The following LRGUK variants were observed in gnomAD, a reference collection of about 807,000 sequenced individuals.
LRGUK encodes leucine-rich repeat and guanylate kinase domain-containing protein.
A neutral mutation model predicts 76.0 loss-of-function variants in LRGUK; 65 were observed. The ratio of observed to expected loss-of-function variants is 0.85; its 90% CI spans 0.70 to 1.05. LRGUK has a LOEUF of 1.05. Ranked by LOEUF, LRGUK falls within the 50% of genes least tolerant of loss-of-function variation. The probability of loss-of-function intolerance (pLI) is 0.00; values close to 1 mark genes in which losing one functional copy is unlikely to be tolerated. For missense variants in LRGUK, 758 were observed against 732.8 expected, an observed-to-expected ratio of 1.03 and a Z score of -0.40; for synonymous variants, 268 against 265.6, an observed-to-expected ratio of 1.01 and a Z score of -0.09.
In LRGUK at chr7:134,227,286, G is replaced by A. The variant is rs913976285; in HGVS notation, c.1983+5368G>A. Among the ~76,000 whole-genome samples, 7 of 152,140 alleles carry A rather than the reference G, an allele frequency of 4.6e-5. 1 individual carries two copies. Among genetic ancestry groups the A allele is most frequent in the Admixed American group, 3.3e-4 (5 of 15,274 alleles). On this transcript the variant is annotated intron_variant, in intron 16 of 19. Coordinates refer to the LRGUK transcript ENST00000285928. ...CATCAGGGAAGTAAACTTAGCGAACGATGCTTTCTTTAGGTTGGTAACTGA... is the reference window on the plus strand; with the variant it reads ...CATCAGGGAAGTAAACTTAGCGAACAATGCTTTCTTTAGGTTGGTAACTGA...
exon 16 of LRGUK, chr7:134,209,242 G>A (rs1385139300): frequency 2.5e-6 from 1 of 399,018 alleles, no homozygotes; most frequent in Admixed American, 4.4e-5. Flanking sequence ...AACCTCTACA[G>A]GGACCTGGCC....
chr7:134,242,893 T>C (rs1354721223), intron 16 of LRGUK, among the ~76,000 whole-genome samples: 1 of 152,180 alleles, frequency 6.6e-6, no homozygotes, highest in Admixed American at 6.5e-5. Flanking sequence ...GAAAGGCTGG[T>C]TCAACATACG....
chr7:134,258,759 AT>A (rs1277154911), intron 19 of LRGUK, among the ~76,000 whole-genome samples: 1 of 151,878 alleles, frequency 6.6e-6, no homozygotes, highest in Non-Finnish European at 1.5e-5. Context: ...ATATATTTAT[AT>A]TTGTTTATAT....
exon 8 of LRGUK, chr7:134,174,580 T>C: frequency 9.9e-6 from 16 of 1,608,048 alleles, no homozygotes; most frequent in Non-Finnish European, 1.4e-5. Context: ...AGAAATAGAA[T>C]ACATTAAAAA....
intron 15 of LRGUK, among the ~76,000 whole-genome samples, chr7:134,202,930 C>T (rs914024466): frequency 2.0e-5 from 3 of 152,070 alleles, no homozygotes; most frequent in African/African-American, 4.8e-5. Flanking sequence ...GATGGCCGGG[C>T]GTGGTGGCTC....
At chr7:134,131,600 G>A (rs575247263) in intron 1 of LRGUK, among the ~76,000 whole-genome samples, 1 of 152,316 alleles carries the variant, frequency 6.6e-6, no homozygotes, top group East Asian at 1.9e-4. Context: ...AGAGGGCACT[G>A]TGATGTTGTA....
Position 134,171,385 on chromosome 7 carries a change from C to T in LRGUK, c.940-3171C>T, listed in dbSNP as rs555797481. On this transcript the variant is annotated intron_variant, in intron 7 of 15. Coordinates refer to ENST00000645682, the Ensembl canonical transcript of LRGUK. Reference sequence around the variant, plus strand: ...GGTTGTACCCAATTGTTTTCTAAGACGACAAATATATATATGTGTGTATAT... The same window carrying T: ...GGTTGTACCCAATTGTTTTCTAAGATGACAAATATATATATGTGTGTATAT... Among the ~76,000 whole-genome samples the T allele has an allele frequency of 8.5e-4, 129 of 151,344 alleles. 1 individual carries two copies. The highest frequency in any genetic ancestry group is 2.3e-3 in the African/African-American group (93 of 41,260).
intron 5 of LRGUK, among the ~76,000 whole-genome samples, chr7:134,151,572 A>T (rs182577360): frequency 6.6e-6 from 1 of 152,232 alleles, no homozygotes; most frequent in East Asian, 1.9e-4. Context: ...CCAGCCAAGG[A>T]GCACTAAGAT....
chr7:134,240,777 G>GA (rs1802129744), intron 16 of LRGUK, among the ~76,000 whole-genome samples: 1 of 152,138 alleles, frequency 6.6e-6, no homozygotes, highest in Non-Finnish European at 1.5e-5. Context: ...TGAAATGACG[G>GA]AAAAAATGGT....
chr7:134,150,850 G>A (rs1444855323), intron 5 of LRGUK, among the ~76,000 whole-genome samples: 1 of 149,256 alleles, frequency 6.7e-6, no homozygotes, highest in Middle Eastern at 3.2e-3. Flanking sequence ...GACATTAGAT[G>A]TAGCAATTGA....
chr7:134,255,622 C>T (rs926293963), intron 18 of LRGUK, among the ~76,000 whole-genome samples: 5 of 152,136 alleles, frequency 3.3e-5, no homozygotes, highest in African/African-American at 4.8e-5. Flanking sequence ...TGCTAAAGCT[C>T]CCCAAGATAT....
intron 3 of LRGUK, among the ~76,000 whole-genome samples, chr7:134,142,116 T>C (rs79240203): frequency 0.13 from 19,686 of 152,112 alleles, 1,596 homozygotes; most frequent in East Asian, 0.32. Context: ...TCGCTTGGCT[T>C]CGGGTGAGGA....
chr7:134,158,194 A>G (rs1486875837), intron 6 of LRGUK, 35 bp downstream of exon 6: 1 of 1,581,150 alleles, frequency 6.3e-7, no homozygotes, highest in African/African-American at 1.3e-5. Context: ...TTATAGAAGT[A>G]GTAGTTAATG....
chr7:134,201,706 G>T, intron 15 of LRGUK, 130 bp downstream of exon 15: 1 of 617,360 alleles, frequency 1.6e-6, no homozygotes, highest in Non-Finnish European at 2.8e-6. Context: ...ACTTCTTCTG[G>T]GGCAATTGTC....
the LRGUK span, among the ~76,000 whole-genome samples, chr7:134,270,300 A>G: frequency 6.6e-6 from 1 of 152,208 alleles, no homozygotes; most frequent in Non-Finnish European, 1.5e-5. Flanking sequence ...CTTTGGAAAC[A>G]AATTAAACTA....
chr7:134,209,814 T>G, exon 16 of LRGUK: 1 of 399,112 alleles, frequency 2.5e-6, no homozygotes. Context: ...GAGGTGAAAC[T>G]CCCTCTTATC....
At chr7:134,269,676 C>G in the LRGUK span, among the ~76,000 whole-genome samples, 1 of 152,058 alleles carries the variant, frequency 6.6e-6, no homozygotes, top group East Asian at 1.9e-4. Flanking sequence ...TATTGAAATT[C>G]TTCTGTGGCT....
rs773665583 is a variant in LRGUK at position 134,258,247 on chromosome 7, A to AT, written c.2199-4dup. On this transcript the variant is annotated splice_polypyrimidine_tract_variant and intron_variant, in intron 18 of 19. Transcript: ENST00000285928. ...ATCTCAAAAAGATCTTTGGTTTTTC[A>AT]TTTTTTCAGTGGGAAGGATTCCTTG... The AT allele has an allele frequency of 3.7e-6, 6 of 1,613,536 alleles. No individual in the cohort carries two copies. The Admixed American group carries it at 6.7e-5, about 18-fold the overall frequency.
downstream of LRGUK, among the ~76,000 whole-genome samples, chr7:134,267,926 A>T (rs546660633): frequency 1.0e-4 from 6 of 59,206 alleles, no homozygotes; most frequent in East Asian, 2.5e-4. Context: ...ATCTAAAATT[A>T]AAAAAAAATA....
Sources: allele counts gnomAD v4.1 joint callset (sites outside exome capture counted in the v4.1 genomes callset), GRCh38; gene constraint gnomAD v4.1.1; transcripts MANE v1.5; gene names NCBI Gene and HGNC (gene_info 2026-07-23, HGNC 2026-07-21).